The following DLGAP1 variants were observed in gnomAD, a reference collection of about 807,000 sequenced individuals.
DLGAP1 encodes the protein DLG associated protein 1.
Under a neutral mutation model 90.8 loss-of-function variants are expected in DLGAP1, and 11 were observed. That is an observed-to-expected ratio of 0.12 (90% CI 0.08 to 0.20). The LOEUF is 0.20. Ranked by LOEUF, DLGAP1 falls within the 10% of genes least tolerant of loss-of-function variation. The pLI is 1.00. For synonymous variants in DLGAP1, 558 were observed against 540.7 expected (o/e 1.03, Z -0.44); for missense variants, 1,050 against 1,333.8 (o/e 0.79, Z 3.31).
chr18:3,898,427 A>G (rs965842429), intron 3 of DLGAP1, among the ~76,000 whole-genome samples: 1 of 152,154 alleles, frequency 6.6e-6, no homozygotes, highest in Non-Finnish European at 1.5e-5. Flanking sequence ...CATTTCCCAG[A>G]GGAGGAAAAT....
intron 2 of DLGAP1, among the ~76,000 whole-genome samples, chr18:4,031,646 A>T (rs1052253974): frequency 4.6e-5 from 7 of 152,206 alleles, no homozygotes; most frequent in Admixed American, 3.9e-4. Flanking sequence ...GGTGCATGAA[A>T]GAGCTTTCCA....
chr18:3,915,353 C>T (rs892457488), intron 3 of DLGAP1, among the ~76,000 whole-genome samples: 2 of 152,196 alleles, frequency 1.3e-5, no homozygotes, highest in Non-Finnish European at 2.9e-5. Context: ...GAGCTTTAGT[C>T]AAAGTCCCTG....
chr18:4,315,126 T>TC (rs2080495799), intron 1 of DLGAP1, among the ~76,000 whole-genome samples: 1 of 152,178 alleles, frequency 6.6e-6, no homozygotes, highest in African/African-American at 2.4e-5. Flanking sequence ...CCCAGTTCTG[T>TC]CCCTCACTGG....
Position 3,718,010 on chromosome 18 carries a change from T to C in DLGAP1, c.1591+11125A>G, listed in dbSNP as rs60075054. Among the ~76,000 whole-genome samples, 1,188 of 152,298 alleles carry C rather than the reference T, an allele frequency of 7.8e-3. 11 individuals carry two copies. The highest frequency in any genetic ancestry group is 0.027 in the African/African-American group (1,134 of 41,570). On this transcript the variant is annotated intron_variant, in intron 7 of 12. Transcript: ENST00000315677. ...GTGTTATGGGCTTTTGGATTGTGAG[T>C]TTCTCGTTCTCTTTTTCTGAGAACG...
intron 2 of DLGAP1, among the ~76,000 whole-genome samples, chr18:4,047,177 TC>T (rs1228921415): frequency 1.3e-5 from 2 of 152,242 alleles, no homozygotes; most frequent in African/African-American, 2.4e-5. Context: ...GTTTCTAAAT[TC>T]CACTCCCGGA....
intron 5 of DLGAP1, among the ~76,000 whole-genome samples, chr18:3,789,784 G>T (rs2065640300): frequency 6.6e-6 from 1 of 152,178 alleles, no homozygotes; most frequent in African/African-American, 2.4e-5. Context: ...GGTTAAGAGT[G>T]ATGAGGACCC....
chr18:3,872,876 G>GT (rs1381125696), intron 4 of DLGAP1, among the ~76,000 whole-genome samples: 1 of 152,150 alleles, frequency 6.6e-6, no homozygotes, highest in African/African-American at 2.4e-5. Context: ...TCCAAGGCTA[G>GT]TTTTTCTCTT....
At chr18:3,914,897 T>A (rs547025426) in intron 3 of DLGAP1, among the ~76,000 whole-genome samples, 1 of 152,222 alleles carries the variant, frequency 6.6e-6, no homozygotes, top group South Asian at 2.1e-4. Flanking sequence ...GTGCATGCCA[T>A]GACACCTGGC....
intron 3 of DLGAP1, among the ~76,000 whole-genome samples, chr18:3,975,331 C>T (rs917086471): frequency 6.6e-6 from 1 of 152,102 alleles, no homozygotes; most frequent in Non-Finnish European, 1.5e-5. Flanking sequence ...ATGCAAGTGG[C>T]CCATCAATAC....
At chr18:3,632,397 G>T (rs1485974265) in intron 7 of DLGAP1, among the ~76,000 whole-genome samples, 1 of 151,760 alleles carries the variant, frequency 6.6e-6, no homozygotes, top group African/African-American at 2.4e-5. Flanking sequence ...CGCCTCCCAG[G>T]TTCAAGCGAT....
At chr18:3,988,335 G>T (rs1231171067) in intron 3 of DLGAP1, among the ~76,000 whole-genome samples, 3 of 152,090 alleles carry the variant, frequency 2.0e-5, no homozygotes, top group Non-Finnish European at 4.4e-5. Context: ...TACCACCAGA[G>T]GCAGCTTAAT....
intron 10 of DLGAP1, among the ~76,000 whole-genome samples, chr18:3,509,278 G>C (rs1221262476): frequency 6.6e-6 from 1 of 152,078 alleles, no homozygotes; most frequent in Non-Finnish European, 1.5e-5. Flanking sequence ...CCTAGAAAAC[G>C]CCAGGGCCGT....
intron 1 of DLGAP1, among the ~76,000 whole-genome samples, chr18:4,238,942 TA>T (rs950607270): frequency 6.6e-6 from 1 of 152,166 alleles, no homozygotes; most frequent in Non-Finnish European, 1.5e-5. Flanking sequence ...AAATCATCAA[TA>T]AAAACTTTTC....
At chr18:3,554,552 C>A (rs2053646399) in intron 9 of DLGAP1, among the ~76,000 whole-genome samples, 1 of 152,200 alleles carries the variant, frequency 6.6e-6, no homozygotes, top group African/African-American at 2.4e-5. Context: ...CGCGAGGCAG[C>A]CCCAGAGAAT....
At chr18:4,197,339 T>A (rs1255481401) in intron 1 of DLGAP1, among the ~76,000 whole-genome samples, 1 of 151,974 alleles carries the variant, frequency 6.6e-6, no homozygotes, top group East Asian at 1.9e-4. Flanking sequence ...GTTGGTAAAC[T>A]GGAGTACAAT....
At chr18:3,935,556 G>C (rs984962485) in intron 3 of DLGAP1, among the ~76,000 whole-genome samples, 2 of 152,176 alleles carry the variant, frequency 1.3e-5, no homozygotes, top group Admixed American at 1.3e-4. Flanking sequence ...GATGCAATTT[G>C]ACATCATTTC....
At chr18:3,832,863 C>T (rs981601481) in intron 4 of DLGAP1, among the ~76,000 whole-genome samples, 2 of 147,680 alleles carry the variant, frequency 1.4e-5, no homozygotes, top group Middle Eastern at 3.4e-3. Flanking sequence ...GCTTAGGTGC[C>T]CCCCCCATCA....
chr18:4,151,525 G>C (rs1391163325), intron 1 of DLGAP1, among the ~76,000 whole-genome samples: 1 of 151,974 alleles, frequency 6.6e-6, no homozygotes, highest in Non-Finnish European at 1.5e-5. Flanking sequence ...TAATAAATAG[G>C]CTTGATATTC....
At chr18:4,364,651 C>G (rs575941586) in intron 1 of DLGAP1, among the ~76,000 whole-genome samples, 153 of 152,196 alleles carry the variant, frequency 1.0e-3, no homozygotes, top group African/African-American at 3.6e-3. Context: ...GTGTCTCAAT[C>G]CCCCTCAGTT....
Sources: gnomAD v4.1 joint callset for allele counts (sites outside exome capture counted in the v4.1 genomes callset) on GRCh38, gnomAD v4.1.1 for gene constraint, MANE v1.5 for transcripts, NCBI Gene and HGNC (gene_info 2026-07-23, HGNC 2026-07-21) for gene names.